Variants in CFAP54 observed in about 807,000 individuals in gnomAD.
CFAP54 encodes cilia- and flagella-associated protein 54.
Under a neutral mutation model 370.4 loss-of-function variants are expected in CFAP54, and 290 were observed. The ratio of observed to expected loss-of-function variants is 0.78; its 90% CI spans 0.71 to 0.86. The LOEUF is 0.86. Among genes scored for constraint, CFAP54 ranks in the 40% least tolerant of loss-of-function variants. The pLI, the probability that CFAP54 is intolerant of heterozygous loss-of-function variation, is 0.00. For missense variants in CFAP54, 3,399 were observed against 3,528.7 expected (o/e 0.96, Z 0.93); for synonymous variants, 1,206 against 1,236.5 (o/e 0.98, Z 0.52).
chr12:96,500,773 C>A (rs1955017020), intron 1 of CFAP54, 61 bp from the exon 2 acceptor site: 1 of 1,212,234 alleles, frequency 8.2e-7, no homozygotes, highest in Non-Finnish European at 1.1e-6. Flanking sequence ...GGATTGCTTG[C>A]AAATTAATTG....
chr12:96,869,930 C>T (rs1410331838), intron 67 of CFAP54, among the ~76,000 whole-genome samples: 8 of 124,502 alleles, frequency 6.4e-5, no homozygotes, highest in African/African-American at 1.2e-4. Context: ...AGCAAAACTC[C>T]GTCAAAAAAA....
At chr12:96,873,981 CT>C (rs1960226742) in intron 67 of CFAP54, among the ~76,000 whole-genome samples, 1 of 152,124 alleles carries the variant, frequency 6.6e-6, no homozygotes, top group East Asian at 1.9e-4. Context: ...AGCATATGTT[CT>C]CTTTTGTCTT....
intron 50 of CFAP54, among the ~76,000 whole-genome samples, chr12:96,724,533 T>C (rs1957804407): frequency 1.3e-5 from 2 of 152,220 alleles, no homozygotes; most frequent in African/African-American, 4.8e-5. Context: ...TTTGTTTTTT[T>C]CTTGTAAATT....
At chr12:96,574,751 G>A (rs140383795) in intron 19 of CFAP54, among the ~76,000 whole-genome samples, 8 of 152,102 alleles carry the variant, frequency 5.3e-5, no homozygotes, top group African/African-American at 1.2e-4. Flanking sequence ...TTAGTATATT[G>A]TTAGAGTGAA....
intron 9 of CFAP54, among the ~76,000 whole-genome samples, chr12:96,531,264 A>G (rs904328007): frequency 6.6e-6 from 1 of 152,032 alleles, no homozygotes; most frequent in Non-Finnish European, 1.5e-5. Flanking sequence ...GCTCTTTTTT[A>G]TAATCTTGTA....
intron 14 of CFAP54, among the ~76,000 whole-genome samples, chr12:96,543,936 G>T (rs551906100): frequency 2.6e-5 from 4 of 152,060 alleles, no homozygotes; most frequent in Non-Finnish European, 4.4e-5. Flanking sequence ...AAGCCCCAGT[G>T]GGAAAAGTAG....
At chr12:96,547,361 A>G (rs1291614983) in intron 14 of CFAP54, among the ~76,000 whole-genome samples, 2 of 151,812 alleles carry the variant, frequency 1.3e-5, no homozygotes, top group Non-Finnish European at 2.9e-5. Context: ...TAATTTTTGT[A>G]TTTTTAGTAG....
intron 65 of CFAP54, among the ~76,000 whole-genome samples, chr12:96,824,510 G>A (rs749661144): frequency 6.6e-6 from 1 of 152,018 alleles, no homozygotes; most frequent in Non-Finnish European, 1.5e-5. Flanking sequence ...TAGACAGAAA[G>A]CATACCTTAC....
Position 96,626,749 on chromosome 12 carries a change from C to T in CFAP54, c.3977-64C>T, listed in dbSNP as rs1047671799. On this transcript the variant is annotated intron_variant, in intron 29 of 67. Coordinates refer to ENST00000524981, the MANE Select transcript of CFAP54 (RefSeq NM_001306084.2). ...GGAACAAAATGACTGCTAGCACTGG[C>T]AACCCTTTGGTACTAATAATTGAGT... is the stretch of plus-strand genomic sequence containing the variant. 3 of 969,776 alleles carry T rather than the reference C, an allele frequency of 3.1e-6. No individual in the cohort carries two copies. The East Asian group carries it at 8.7e-5, about 28-fold the overall frequency. The allele number at this position is 969,776 out of a possible 1,614,324, so 60.1% of individuals were successfully genotyped here. A position where few individuals can be genotyped will look rare whatever the true frequency, so the allele number is the denominator to read the frequency against.
rs1210749472 is a variant in CFAP54 at position 96,592,536 on chromosome 12, CT to C, written c.3264del (p.Arg1090GlufsTer5). On this transcript the variant is annotated frameshift_variant, in exon 24 of 68. Transcript: ENST00000524981. LOFTEE classifies it high-confidence loss of function. ...AGAGACTTCTTCAATCCTCTTGTAC[CT>C]TTTTCTTAGAAATATTTTTGTAACA... ...LAETSSILLY[L>X]FLRNIFVTSD... The C allele has an allele frequency of 1.2e-5, 13 of 1,050,978 alleles. No homozygotes were observed. The highest frequency in any genetic ancestry group is 5.4e-5 in the Admixed American group (2 of 37,028). 65.1% of individuals were successfully genotyped at this position (1,050,978 alleles called of 1,614,324 possible).
chr12:96,727,699 G>T (rs576328021), intron 50 of CFAP54, among the ~76,000 whole-genome samples: 2 of 151,728 alleles, frequency 1.3e-5, no homozygotes, highest in African/African-American at 4.9e-5. Context: ...ATTGTTATGT[G>T]TGAATTTGGT....
In CFAP54 at chr12:96,553,832, A is replaced by G. The variant is rs73237108; in HGVS notation, c.2155-350A>G. On this transcript the variant is annotated intron_variant, in intron 15 of 67. Coordinates refer to ENST00000524981, the MANE Select transcript of CFAP54 (RefSeq NM_001306084.2). ...TTAAAAAATCTTTTTCAAATTAGGTATATGAAAGTGACAAACTATGTGAAC... is the reference window on the plus strand; with the variant it reads ...TTAAAAAATCTTTTTCAAATTAGGTGTATGAAAGTGACAAACTATGTGAAC... Among the ~76,000 whole-genome samples, 826 of 152,170 alleles carry G rather than the reference A, an allele frequency of 5.4e-3. 5 individuals are homozygous for G. The highest frequency in any genetic ancestry group is 9.3e-3 in the Non-Finnish European group (634 of 67,960).
chr12:96,521,630 G>A (rs1347348427), intron 6 of CFAP54, among the ~76,000 whole-genome samples: 1 of 151,898 alleles, frequency 6.6e-6, no homozygotes, highest in Admixed American at 6.6e-5. Flanking sequence ...TGATATTTCA[G>A]CTTTCCTTTT....
intron 49 of CFAP54, 38 bp downstream of exon 49, chr12:96,718,560 A>G: frequency 7.6e-7 from 1 of 1,317,104 alleles, no homozygotes; most frequent in South Asian, 1.2e-5. Context: ...TAAGTTAGTT[A>G]CCAAAAATCC....
chr12:96,837,614 A>G (rs906225209), intron 66 of CFAP54, among the ~76,000 whole-genome samples: 2 of 152,186 alleles, frequency 1.3e-5, no homozygotes, highest in African/African-American at 4.8e-5. Context: ...TTAGTCCCCA[A>G]CAAATGTTCA....
intron 58 of CFAP54, among the ~76,000 whole-genome samples, chr12:96,761,689 A>C (rs1958341070): frequency 6.6e-6 from 1 of 151,960 alleles, no homozygotes; most frequent in Admixed American, 6.6e-5. Flanking sequence ...CTAAATTCTA[A>C]ATTCATCTTT....
intron 1 of CFAP54, among the ~76,000 whole-genome samples, chr12:96,491,738 A>G (rs1565872598): frequency 1.3e-5 from 2 of 152,176 alleles, no homozygotes; most frequent in Non-Finnish European, 2.9e-5. Flanking sequence ...AGGAAAGCCC[A>G]TTATATACCT....
At chr12:96,498,521 T>C (rs926388023) in intron 1 of CFAP54, among the ~76,000 whole-genome samples, 1 of 152,066 alleles carries the variant, frequency 6.6e-6, no homozygotes, top group Admixed American at 6.6e-5. Flanking sequence ...GGCGTGGTGG[T>C]GCGTGCCTGT....
chr12:96,777,164 C>T (rs1341245053), intron 60 of CFAP54, among the ~76,000 whole-genome samples: 1 of 152,058 alleles, frequency 6.6e-6, no homozygotes, highest in African/African-American at 2.4e-5. Flanking sequence ...TAAAAGTGCT[C>T]ATTCAGCTTG....
Sources: gnomAD v4.1 joint callset for allele counts (sites outside exome capture counted in the v4.1 genomes callset) on GRCh38, gnomAD v4.1.1 for gene constraint, MANE v1.5 for transcripts, NCBI Gene and HGNC (gene_info 2026-07-23, HGNC 2026-07-21) for gene names.